Variants in ZIC4 observed in about 807,000 individuals in gnomAD.
ZIC4 encodes zinc finger protein ZIC 4.
A neutral mutation model predicts 28.8 loss-of-function variants in ZIC4; 15 were observed. The observed-to-expected ratio is 0.52, with a 90% CI of 0.35 to 0.80. The LOEUF (loss-of-function observed/expected upper bound fraction) is 0.80. ZIC4 is among the 30% of genes least tolerant of loss of function. The pLI is 0.01. For synonymous variants in ZIC4, 220 were observed against 198.1 expected, an observed-to-expected ratio of 1.11 and a Z score of -0.93; for missense variants, 512 against 467.1, an observed-to-expected ratio of 1.10 and a Z score of -0.89.
rs191820528 is a variant in ZIC4, at chr3:147,401,174, C to T, written c.70+1554G>A. On this transcript the variant is annotated intron_variant, in intron 2 of 4. Transcript: ENST00000383075. ...AAGCACTTTTGCTCACCTACCCAGA[C>T]GAATGCAGTGGCATAAACAAGTGAT... 1.8e-4 allele frequency among the ~76,000 whole-genome samples: 28 copies of T among 152,254 alleles called. No individual in the cohort carries two copies. The South Asian group carries it at 1.9e-3, about 10-fold the overall frequency.
intron 3 of ZIC4, 133 bp from the exon 4 acceptor site, chr3:147,391,379 G>C: frequency 8.2e-7 from 1 of 1,226,814 alleles, no homozygotes. Flanking sequence ...TTTCCACGGC[G>C]CCTCAGGTCG....
At chr3:147,397,227 C>G (rs929023763) in intron 2 of ZIC4, 2 of 152,194 alleles carry the variant, frequency 1.3e-5, no homozygotes, top group African/African-American at 2.4e-5. Context: ...GATTCAGGGC[C>G]GTGGCCTGGA....
intron 3 of ZIC4, chr3:147,393,770 G>T: frequency 2.5e-6 from 1 of 405,594 alleles, no homozygotes; most frequent in Non-Finnish European, 5.0e-6. Flanking sequence ...TGAGCTCCCG[G>T]CCCCGGCCGA....
chr3:147,402,467 A>G (rs1313440491), intron 2 of ZIC4, among the ~76,000 whole-genome samples: 2 of 152,202 alleles, frequency 1.3e-5, no homozygotes, highest in East Asian at 1.9e-4. Context: ...GAATCGTCAA[A>G]TATTAATTCT....
chr3:147,395,330 C>A (rs1318462975), intron 3 of ZIC4, among the ~76,000 whole-genome samples: 6 of 152,068 alleles, frequency 3.9e-5, no homozygotes, highest in Non-Finnish European at 7.4e-5. Context: ...ACCAAACATC[C>A]CTAGTGTCCG....
intron 4 of ZIC4, among the ~76,000 whole-genome samples, chr3:147,389,874 G>A (rs1478582281): frequency 6.6e-6 from 1 of 152,130 alleles, no homozygotes; most frequent in Non-Finnish European, 1.5e-5. Context: ...GCCTAGGTCA[G>A]GTCTCTCCAC....
Position 147,396,603 on chromosome 3 carries a change from G to C in ZIC4, c.71-134C>G. 8.3e-7 allele frequency: 1 copy of C among 1,198,416 alleles called. No homozygotes were observed. Among genetic ancestry groups the C allele is most frequent in the Non-Finnish European group, 1.1e-6 (1 of 903,650 alleles). 74.2% of individuals were successfully genotyped at this position (1,198,416 alleles called of 1,614,324 possible). Reference sequence around the variant, plus strand: ...CAGCCGTGGAACTCAGAGCCAGACAGCGCCAGCAGTGAACCCGGTGGACAG... The same window carrying C: ...CAGCCGTGGAACTCAGAGCCAGACACCGCCAGCAGTGAACCCGGTGGACAG... On this transcript the variant is annotated intron_variant, in intron 2 of 4. Transcript: ENST00000383075. The surrounding 1 kb of genome is among the most constrained non-coding windows in gnomAD (Gnocchi z 4.2).
At chr3:147,394,117 CCTCTCT>C (rs113382372) in intron 3 of ZIC4, among the ~76,000 whole-genome samples, 35 of 145,118 alleles carry the variant, frequency 2.4e-4, no homozygotes, top group African/African-American at 5.1e-4. Context: ...ATTTTTTTTC[CCTCTCT>C]CTCTCTCTCT....
Position 147,402,769 on chromosome 3 carries a change from C to T in ZIC4, c.29G>A (p.Arg10Lys), listed in dbSNP as rs1247170525. 6.2e-7 allele frequency: 1 copy of T among 1,613,662 alleles called. No homozygotes were observed. The highest frequency in any genetic ancestry group is 1.7e-5 in the Admixed American group (1 of 59,982). The change falls in exon 2 of 5, where the codon AGG becomes AAG. Residue 10 changes from arginine to lysine, a missense_variant. By Grantham distance (26) the Arg-to-Lys change is conservative. Around this residue, in one of 3 missense-constraint regions of ZIC4, gnomAD observed 310 missense variants for 256.5 expected, o/e 1.21. Transcript: ENST00000383075. MRYKTSLVM[R>K]KRLRLYRNTL... Reference sequence around the variant, plus strand: ...GTTTCGGTAAAGCCGTAATCGTTTCCTCATCACCAAGGATGTCTTGTATCT... The same window carrying T: ...GTTTCGGTAAAGCCGTAATCGTTTCTTCATCACCAAGGATGTCTTGTATCT...
chr3:147,397,130 G>A (rs1297926823), intron 2 of ZIC4: 3 of 151,942 alleles, frequency 2.0e-5, no homozygotes, highest in Non-Finnish European at 4.4e-5. Context: ...TTGGATTTGG[G>A]CGCGCCCACC....
intron 4 of ZIC4, among the ~76,000 whole-genome samples, chr3:147,390,728 C>G (rs906980413): frequency 8.5e-5 from 13 of 152,224 alleles, no homozygotes; most frequent in African/African-American, 3.1e-4. Flanking sequence ...AGGTGGCCGG[C>G]CGGCCTTCCT....
intron 2 of ZIC4, among the ~76,000 whole-genome samples, chr3:147,397,719 C>T (rs899597525): frequency 5.3e-5 from 8 of 152,094 alleles, no homozygotes; most frequent in Non-Finnish European, 8.8e-5. Context: ...ATCGAAGGAC[C>T]GAAGGAGGTT....
At position 147,395,899 on chromosome 3, in the gene ZIC4, A is replaced by T. The variant is rs767030906; in HGVS notation, c.641T>A (p.Val214Asp). ...TTTGAGATTTTCTGATCTAGCAAAG[A>T]CCTTCCCACACCCCGGGAAAGGACA... ...FPCPFPGCGK[V>D]FARSENLKIH... is the part of the protein sequence containing the mutation. The change falls in exon 3 of 5, where the codon GTC (valine) becomes GAC (aspartate). Residue 214 changes from valine (V) to aspartate (D), a missense_variant. Physicochemically the swap from Val to Asp is radical, Grantham distance 152. This residue lies in a region of ZIC4 where 58 missense variants were observed against 93.8 expected (regional missense o/e 0.62). Coordinates refer to ENST00000383075, the MANE Select transcript of ZIC4 (RefSeq NM_032153.6). 6.2e-7 allele frequency: 1 copy of T among 1,614,082 alleles called. No homozygotes were observed.
rs968210404 is a variant in ZIC4 at position 147,403,647 on chromosome 3, C to T, written c.-15-835G>A. On this transcript the variant is annotated intron_variant, in intron 1 of 4. Coordinates refer to ENST00000383075, the MANE Select transcript of ZIC4 (RefSeq NM_032153.6). ...GAGCAGCCAGACAGAAGCATCTATC[C>T]GGCCCCCACCCTCAATTTGGCCTAG... is the stretch of plus-strand genomic sequence containing the variant. 7 of 201,522 alleles carry T rather than the reference C, an allele frequency of 3.5e-5. No individual in the cohort carries two copies. In the East Asian group the frequency reaches 8.4e-4, roughly 24 times the overall value. The allele number at this position is 201,522 out of a possible 1,614,324, so 12.5% of individuals were successfully genotyped here. A position where few individuals can be genotyped will look rare whatever the true frequency, so the allele number is the denominator to read the frequency against.
At chr3:147,393,306 C>A (rs1201978852) in intron 3 of ZIC4, 1 of 152,802 alleles carries the variant, frequency 6.5e-6, no homozygotes, top group African/African-American at 2.4e-5. Context: ...CCTAGGAGGC[C>A]AGGTGAGGCC....
chr3:147,400,861 AT>A (rs144748538), intron 2 of ZIC4, among the ~76,000 whole-genome samples: 15,971 of 152,048 alleles, frequency 0.11, 1,077 homozygotes, highest in Non-Finnish European at 0.15. Flanking sequence ...TGCTCTTCAG[AT>A]TTTTTTTCCA....
intron 1 of ZIC4, among the ~76,000 whole-genome samples, chr3:147,404,892 T>C (rs2087243598): frequency 6.6e-6 from 1 of 152,216 alleles, no homozygotes; most frequent in Non-Finnish European, 1.5e-5. Flanking sequence ...TGCTCCTTAC[T>C]GACTAGCCGG....
At chr3:147,392,320 G>A (rs985686430) in intron 3 of ZIC4, 17 of 985,710 alleles carry the variant, frequency 1.7e-5, no homozygotes, top group Non-Finnish European at 1.8e-5. Flanking sequence ...GCCGGGGAGG[G>A]GCTGGGATCG....
intron 2 of ZIC4, among the ~76,000 whole-genome samples, chr3:147,398,609 G>C (rs1361092689): frequency 3.3e-5 from 5 of 152,104 alleles, no homozygotes. Flanking sequence ...CTGCTGGCCG[G>C]GACTCCTGCC....
Sources: gnomAD v4.1 joint callset for allele counts (sites outside exome capture counted in the v4.1 genomes callset) on GRCh38, gnomAD v4.1.1 for gene constraint, gnomAD v4.1.1 regional missense constraint, Gnocchi (gnomAD v3.1) non-coding constraint, MANE v1.5 for transcripts, NCBI Gene and HGNC (gene_info 2026-07-23, HGNC 2026-07-21) for gene names.